RUFY4: variants seen among roughly 807,000 people sequenced by gnomAD.
RUFY4 encodes the protein RUN and FYVE domain containing 4, also known as RUN and FYVE domain-containing protein 4.
RUFY4 carries 73 observed loss-of-function variants against 69.0 expected under a neutral mutation model. That is an observed-to-expected ratio of 1.06 (90% CI 0.88 to 1.29). RUFY4 has a LOEUF of 1.29. Among genes scored for constraint, RUFY4 ranks in the 50% most tolerant of loss-of-function variants. The pLI, the probability that RUFY4 is intolerant of heterozygous loss-of-function variation, is 0.00. For missense variants in RUFY4, 770 were observed against 705.6 expected (o/e 1.09, Z -1.03); for synonymous variants, 287 against 271.8 (o/e 1.06, Z -0.55).
upstream of RUFY4, among the ~76,000 whole-genome samples, chr2:218,066,241 T>C (rs1689327652): frequency 7.3e-6 from 1 of 136,212 alleles, no homozygotes; most frequent in Non-Finnish European, 1.5e-5. Context: ...TGGAGCGCAG[T>C]GGCACAATCT....
At chr2:218,060,070 C>CA in intron 3 of RUFY4, 169 of 263,916 alleles carry the variant, frequency 6.4e-4, no homozygotes, top group South Asian at 4.3e-3. Flanking sequence ...ATTTTCACTT[C>CA]TTAGAACATA....
At chr2:218,082,191 G>T (rs1689775888) in intron 8 of RUFY4, among the ~76,000 whole-genome samples, 1 of 152,150 alleles carries the variant, frequency 6.6e-6, no homozygotes, top group Admixed American at 6.5e-5. Flanking sequence ...ACGCCACCAA[G>T]CCCAAAACTA....
intron 2 of RUFY4, among the ~76,000 whole-genome samples, chr2:218,071,371 C>T (rs1348848432): frequency 6.6e-6 from 1 of 152,216 alleles, no homozygotes; most frequent in Admixed American, 6.5e-5. Flanking sequence ...TTCAGCTCCC[C>T]TGGCCTCTTG....
chr2:218,040,734 A>G (rs142953238), intron 2 of RUFY4, among the ~76,000 whole-genome samples: 1 of 152,264 alleles, frequency 6.6e-6, no homozygotes, highest in African/African-American at 2.4e-5. Context: ...AAATGCAAAT[A>G]CTGGTAGGGA....
rs140234151 is a variant in RUFY4 at position 218,085,491 on chromosome 2, G to A, written c.1502+2235G>A. Among the ~76,000 whole-genome samples, 4 of 152,270 alleles carry A rather than the reference G, an allele frequency of 2.6e-5. No homozygotes were observed. In the East Asian group the frequency reaches 7.7e-4, roughly 29 times the overall value. ...AAAAGACTAAAACTTAAAACGGAGA[G>A]AAAAGTGGAGGAGCTAACCACAGAG... On this transcript the variant is annotated intron_variant, in intron 9 of 10. Transcript: ENST00000344321.
At chr2:218,050,476 C>G (rs945930945) in intron 2 of RUFY4, among the ~76,000 whole-genome samples, 1 of 152,146 alleles carries the variant, frequency 6.6e-6, no homozygotes, top group Non-Finnish European at 1.5e-5. Flanking sequence ...TCCTGGCTAG[C>G]TCACCAAACT....
chr2:218,053,630 C>G (rs545456189), intron 2 of RUFY4, among the ~76,000 whole-genome samples: 1 of 152,216 alleles, frequency 6.6e-6, no homozygotes, highest in Non-Finnish European at 1.5e-5. Flanking sequence ...CTGCCTCAGC[C>G]TCCCGGGTAA....
intron 2 of RUFY4, among the ~76,000 whole-genome samples, chr2:218,054,109 C>T (rs1689006620): frequency 6.6e-6 from 1 of 152,134 alleles, no homozygotes; most frequent in Non-Finnish European, 1.5e-5. Context: ...TGACAGAATT[C>T]CTTTTCAAAA....
chr2:218,078,547 C>T (rs1209301279), intron 8 of RUFY4, among the ~76,000 whole-genome samples: 2 of 152,114 alleles, frequency 1.3e-5, no homozygotes, highest in East Asian at 1.9e-4. Context: ...TCGGAAGTGC[C>T]TCGACTTTGA....
chr2:218,089,216 T>G lies in RUFY4; in HGVS notation c.1503-36T>G, dbSNP rs1461021071. On this transcript the variant is annotated intron_variant, in intron 9 of 10. Coordinates refer to ENST00000344321, the Ensembl canonical transcript of RUFY4. ...CCATTTCTATCTTTTGATCTCTGTC[T>G]CTGTCTGTGTCTCTCCACCTTCATC... is the stretch of plus-strand genomic sequence containing the variant. 4 of 1,528,328 alleles carry G rather than the reference T, an allele frequency of 2.6e-6. No homozygotes were observed. In the African/African-American group the frequency reaches 5.5e-5, roughly 21 times the overall value. The allele number at this position is 1,528,328 out of a possible 1,614,324, so 94.7% of individuals were successfully genotyped here.
chr2:218,075,653 C>G, exon 7 of RUFY4: 1 of 1,505,514 alleles, frequency 6.6e-7, no homozygotes, highest in East Asian at 2.3e-5. Context: ...AAGACTCTAC[C>G]GTGGAGAATC....
chr2:218,048,413 T>C (rs1250968104), intron 2 of RUFY4, among the ~76,000 whole-genome samples: 1 of 152,200 alleles, frequency 6.6e-6, no homozygotes, highest in Non-Finnish European at 1.5e-5. Context: ...ATAGTTTCAT[T>C]TGCTGTGCAG....
intron 10 of RUFY4, 117 bp from the exon 13 acceptor site, chr2:218,089,835 T>C (rs748978393): frequency 1.3e-6 from 1 of 781,936 alleles, no homozygotes; most frequent in South Asian, 1.5e-5. Context: ...CACTGGGAGA[T>C]GAGAAACAGA....
At chr2:218,085,841 C>A (rs1448963826) in intron 9 of RUFY4, among the ~76,000 whole-genome samples, 1 of 152,218 alleles carries the variant, frequency 6.6e-6, no homozygotes, top group African/African-American at 2.4e-5. Flanking sequence ...CCTGCCCAGT[C>A]CCCACTAAAG....
chr2:218,063,970 C>T (rs921884231), intron 3 of RUFY4, among the ~76,000 whole-genome samples: 3 of 151,986 alleles, frequency 2.0e-5, no homozygotes, highest in Non-Finnish European at 2.9e-5. Context: ...AACAGGAGCC[C>T]GAGGGTCCCC....
intron 2 of RUFY4, among the ~76,000 whole-genome samples, chr2:218,039,637 T>C (rs1256915068): frequency 1.3e-5 from 2 of 152,114 alleles, no homozygotes; most frequent in Non-Finnish European, 2.9e-5. Flanking sequence ...TGGGGGAAGC[T>C]AAGGCAGGTT....
chr2:218,058,301 A>G (rs1391659736), intron 2 of RUFY4, among the ~76,000 whole-genome samples: 1 of 152,232 alleles, frequency 6.6e-6, no homozygotes, highest in Non-Finnish European at 1.5e-5. Flanking sequence ...CATTGTGAAT[A>G]GCATACATAC....
At chr2:218,046,949 A>T (rs556705253) in intron 2 of RUFY4, among the ~76,000 whole-genome samples, 25 of 152,242 alleles carry the variant, frequency 1.6e-4, no homozygotes, top group African/African-American at 6.0e-4. Flanking sequence ...AAAAGGTTTA[A>T]AACACTTGAT....
At chr2:218,045,897 G>A (rs58352256) in intron 2 of RUFY4, among the ~76,000 whole-genome samples, 9,843 of 151,720 alleles carry the variant, frequency 0.065, 1,024 homozygotes, top group African/African-American at 0.22. Flanking sequence ...CTCCGCCTCC[G>A]GGGTTCGCGC....
Sources: allele counts gnomAD v4.1 joint callset (sites outside exome capture counted in the v4.1 genomes callset), GRCh38; gene constraint gnomAD v4.1.1; transcripts MANE v1.5; gene names NCBI Gene and HGNC (gene_info 2026-07-23, HGNC 2026-07-21).